PSMA3: variants seen among roughly 807,000 people sequenced by gnomAD.
The protein encoded by PSMA3 is proteasome 20S subunit alpha 3, also known as proteasome subunit alpha type-3.
A neutral mutation model predicts 40.0 loss-of-function variants in PSMA3; 8 were observed. That is an observed-to-expected ratio of 0.20 (90% CI 0.12 to 0.36). The LOEUF (loss-of-function observed/expected upper bound fraction) is 0.36. Among genes scored for constraint, PSMA3 ranks in the 10% least tolerant of loss-of-function variants. The pLI, the probability that PSMA3 is intolerant of heterozygous loss-of-function variation, is 1.00. For missense variants in PSMA3, 219 were observed against 310.6 expected (o/e 0.70, Z 2.22); for synonymous variants, 110 against 100.0 (o/e 1.10, Z -0.59).
chr14:58,258,084 T>G, intron 5 of PSMA3, 86 bp downstream of exon 5: 1 of 1,038,462 alleles, frequency 9.6e-7, no homozygotes, highest in Admixed American at 2.1e-5. Context: ...TTTTACATAC[T>G]TAAAAATAGA....
At chr14:58,256,495 A>T (rs2140085818) in intron 3 of PSMA3, among the ~76,000 whole-genome samples, 1 of 149,700 alleles carries the variant, frequency 6.7e-6, no homozygotes, top group East Asian at 2.0e-4. Flanking sequence ...GCTCACTGCA[A>T]CTTCCGCCTC....
chr14:58,268,165 A>G (rs779170480), intron 8 of PSMA3: 1 of 152,216 alleles, frequency 6.6e-6, no homozygotes, highest in Non-Finnish European at 1.5e-5. Flanking sequence ...AAATTTTGTG[A>G]TTCTCTAGAT....
rs1237729830 is a variant in PSMA3, at chr14:58,270,955, T to C, written c.680T>C (p.Ile227Thr). Residue 227 changes from isoleucine (I) to threonine (T), a missense_variant, in exon 10 of 11, where the codon ATT (isoleucine) becomes ACT (threonine). By Grantham distance (89) the Ile-to-Thr change is moderately conservative (BLOSUM62 -1). Transcript: ENST00000216455. ...VGELTNGRHE[I>T]VPKDIREEAE... ...ACAGTAACTAATGGAAGACATGAAA[T>C]TGTTCCAAAAGATATAAGAGAAGAA... 6.2e-7 allele frequency: 1 copy of C among 1,608,400 alleles called. No individual in the cohort carries two copies. Among genetic ancestry groups the C allele is most frequent in the African/African-American group, 1.3e-5 (1 of 74,836 alleles).
At chr14:58,264,837 T>A (rs1340202912) in intron 7 of PSMA3, 1 of 152,236 alleles carries the variant, frequency 6.6e-6, no homozygotes, top group East Asian at 1.9e-4. Context: ...CTGAACAGTA[T>A]CCAGACCTTA....
intron 2 of PSMA3, among the ~76,000 whole-genome samples, chr14:58,249,301 A>G (rs562642460): frequency 6.6e-6 from 1 of 152,066 alleles, no homozygotes; most frequent in African/African-American, 2.4e-5. Context: ...CTGTCCTTTG[A>G]TACTACACCC....
At chr14:58,266,821 A>C (rs1465683608) in intron 7 of PSMA3, 2 of 152,180 alleles carry the variant, frequency 1.3e-5, no homozygotes, top group Admixed American at 6.6e-5. Flanking sequence ...GTAAATATTA[A>C]TGACTTGTTT....
chr14:58,254,883 G>C (rs995190691), intron 3 of PSMA3, among the ~76,000 whole-genome samples: 1 of 152,144 alleles, frequency 6.6e-6, no homozygotes, highest in African/African-American at 2.4e-5. Flanking sequence ...GTTGTTGTGA[G>C]GTTAAAAATT....
chr14:58,253,060 T>C (rs1470948365), intron 3 of PSMA3, among the ~76,000 whole-genome samples: 1 of 151,446 alleles, frequency 6.6e-6, no homozygotes, highest in Non-Finnish European at 1.5e-5. Context: ...TCTCAGCTTA[T>C]TGCAGCCTCT....
chr14:58,266,242 G>A (rs1890438985), intron 7 of PSMA3: 1 of 152,128 alleles, frequency 6.6e-6, no homozygotes, highest in African/African-American at 2.4e-5. Flanking sequence ...TCTTCCTCAT[G>A]TGGTTGTGCA....
chr14:58,268,012 T>C (rs1890496801), intron 8 of PSMA3: 2 of 152,270 alleles, frequency 1.3e-5, no homozygotes, highest in African/African-American at 4.8e-5. Context: ...AGAAGAGCAG[T>C]ATTACAAAAC....
At chr14:58,254,281 G>A (rs1241948200) in intron 3 of PSMA3, among the ~76,000 whole-genome samples, 3 of 104,808 alleles carry the variant, frequency 2.9e-5, no homozygotes, top group African/African-American at 1.1e-4. Flanking sequence ...AGGTGATCTT[G>A]TATTCTTTTA....
chr14:58,269,429 G>GT (rs879582556), intron 8 of PSMA3: 1,836 of 145,046 alleles, frequency 0.013, 25 homozygotes, highest in African/African-American at 0.033. Context: ...ACATAAATTA[G>GT]TTTTTTTTTT....
intron 7 of PSMA3, chr14:58,266,209 T>C (rs2140094940): frequency 6.6e-6 from 1 of 152,344 alleles, no homozygotes; most frequent in Non-Finnish European, 1.5e-5. Flanking sequence ...AAATTTAGTG[T>C]TATTTTTGTT....
At chr14:58,250,881 A>T (rs889183328) in intron 2 of PSMA3, among the ~76,000 whole-genome samples, 3 of 152,204 alleles carry the variant, frequency 2.0e-5, no homozygotes, top group African/African-American at 7.2e-5. Context: ...ATGCTGGTAT[A>T]ATTATTGTAA....
At chr14:58,268,247 C>G (rs1890503512) in intron 8 of PSMA3, 1 of 152,038 alleles carries the variant, frequency 6.6e-6, no homozygotes, top group Non-Finnish European at 1.5e-5. Context: ...TTTTTAGATT[C>G]AAAAGTTATG....
chr14:58,267,653 ATT>A, intron 8 of PSMA3, 133 bp downstream of exon 8: 1 of 1,265,766 alleles, frequency 7.9e-7, no homozygotes. Context: ...TAAATTTAAC[ATT>A]CTAAGAAGCC....
In PSMA3 at chr14:58,263,751, C is replaced by T; in HGVS notation, c.524C>T (p.Thr175Met). 2 of 1,613,666 alleles carry T rather than the reference C, an allele frequency of 1.2e-6. No homozygotes were observed. The highest frequency in any genetic ancestry group is 1.7e-6 in the Non-Finnish European group (2 of 1,179,856). Reference sequence around the variant, plus strand: ...GGCAAAGCCAGGCAAGCTGCAAAGACGGAAATAGAGAAGCTTCAGGTAATA... The same window carrying T: ...GGCAAAGCCAGGCAAGCTGCAAAGATGGAAATAGAGAAGCTTCAGGTAATA... ...AIGKARQAAK[T>M]EIEKLQMKEM... Residue 175 changes from threonine to methionine, a missense_variant, in exon 7 of 11, where the codon ACG becomes ATG. By Grantham distance (81) the Thr-to-Met change is moderately conservative. Transcript: ENST00000216455.
chr14:58,244,974 ACC>A (rs764622576), intron 1 of PSMA3, 33 bp downstream of exon 1: 2 of 1,613,852 alleles, frequency 1.2e-6, no homozygotes, highest in Non-Finnish European at 1.7e-6. Flanking sequence ...TAATAGTTTA[ACC>A]TAAGGATTGG....
At chr14:58,260,421 C>G (rs1890249057) in intron 5 of PSMA3, among the ~76,000 whole-genome samples, 1 of 152,144 alleles carries the variant, frequency 6.6e-6, no homozygotes, top group Non-Finnish European at 1.5e-5. Context: ...GGAAACAGTG[C>G]CCACTGTATG....
Sources: gnomAD v4.1 joint callset for allele counts (sites outside exome capture counted in the v4.1 genomes callset) on GRCh38, gnomAD v4.1.1 for gene constraint, MANE v1.5 for transcripts, NCBI Gene and HGNC (gene_info 2026-07-23, HGNC 2026-07-21) for gene names.